STAP2: variants seen among roughly 807,000 people sequenced by gnomAD.
STAP2 encodes signal-transducing adaptor protein 2.
STAP2 carries 58 observed loss-of-function variants against 52.7 expected under a neutral mutation model. The observed-to-expected ratio is 1.10, with a 90% CI of 0.89 to 1.37. The LOEUF (loss-of-function observed/expected upper bound fraction) is 1.37. STAP2 is among the 40% of genes most tolerant of loss of function. STAP2 has a pLI of 0.00. For missense variants in STAP2, 522 were observed against 519.4 expected (o/e 1.00, Z -0.05); for synonymous variants, 231 against 210.5 (o/e 1.10, Z -0.84).
At chr19:4,331,290 C>T (rs1219646048) in intron 4 of STAP2, among the ~76,000 whole-genome samples, 14 of 144,018 alleles carry the variant, frequency 9.7e-5, no homozygotes, top group South Asian at 2.2e-4. Flanking sequence ...GATCACACCA[C>T]TGCACTCCAG....
At chr19:4,333,545 G>T in intron 3 of STAP2, 149 bp downstream of exon 3, 1 of 964,918 alleles carries the variant, frequency 1.0e-6, no homozygotes, top group Non-Finnish European at 1.4e-6. Context: ...ATAGCACCCA[G>T]CTCCTTTGGG....
rs577111563 is a variant in STAP2, at chr19:4,336,406, C to T, written c.102+2246G>A. ...CCATCTCAGCTCACTGCAACCCCCC[C>T]GCCCCAGTTCAAGCAATTCTCCTGC... is the stretch of plus-strand genomic sequence containing the variant. On this transcript the variant is annotated intron_variant, in intron 1 of 12. Transcript: ENST00000594605. Among the ~76,000 whole-genome samples, 11 of 150,820 alleles carry T rather than the reference C, an allele frequency of 7.3e-5. No individual in the cohort carries two copies. In the East Asian group the frequency reaches 1.2e-3, roughly 16 times the overall value.
intron 6 of STAP2, among the ~76,000 whole-genome samples, chr19:4,327,800 C>T (rs1330403905): frequency 2.0e-5 from 3 of 152,016 alleles, no homozygotes; most frequent in Admixed American, 2.0e-4. Flanking sequence ...AATGGCTCCA[C>T]CCCCAGGCAC....
intron 6 of STAP2, among the ~76,000 whole-genome samples, chr19:4,327,608 G>C (rs1971816376): frequency 6.6e-6 from 1 of 151,898 alleles, no homozygotes; most frequent in African/African-American, 2.4e-5. Context: ...TGCTCCCAGC[G>C]GGGACCAGGC....
At chr19:4,331,838 A>T (rs1262886496) in intron 4 of STAP2, among the ~76,000 whole-genome samples, 184 bp downstream of exon 4, 1 of 152,054 alleles carries the variant, frequency 6.6e-6, no homozygotes, top group Non-Finnish European at 1.5e-5. Flanking sequence ...AGGCTGAGGC[A>T]CGAGAATGGC....
At chr19:4,329,196 C>T (rs1037078002) in intron 5 of STAP2, among the ~76,000 whole-genome samples, 45 of 152,086 alleles carry the variant, frequency 3.0e-4, no homozygotes, top group Admixed American at 2.6e-3. Flanking sequence ...AACTCCCTAC[C>T]TCAGGTGATC....
chr19:4,334,844 TCCATCCACTCATCTATCAATGCATCCCTC>T (rs1432212332), intron 1 of STAP2, among the ~76,000 whole-genome samples: 18 of 34,568 alleles, frequency 5.2e-4, no homozygotes, highest in African/African-American at 1.9e-3. Context: ...CACTCATCCA[TCCATCCACTCATCTATCAATGCATCCCTC>T]CATCCATCCA....
intron 3 of STAP2, 117 bp downstream of exon 3, chr19:4,333,577 A>T: frequency 7.2e-7 from 1 of 1,384,692 alleles, no homozygotes. Context: ...AGTCTTACCC[A>T]GGGCCCACAG....
At position 4,333,353 on chromosome 19, in the gene STAP2, A is replaced by G. The variant is rs149254313; in HGVS notation, c.297+341T>C. On this transcript the variant is annotated intron_variant, in intron 3 of 12. Transcript: ENST00000594605. ...CTACTAAAGATTCAAAAAATTAGCC[A>G]GGAGTGGTTGCGTGCGCCTGTAATC... Among the ~76,000 whole-genome samples the G allele has an allele frequency of 3.8e-3, 558 of 147,394 alleles. 4 individuals carry two copies. The highest frequency in any genetic ancestry group is 0.013 in the African/African-American group (526 of 39,752).
At chr19:4,334,920 TCCATAATC>T (rs1971955845) in intron 1 of STAP2, among the ~76,000 whole-genome samples, 1 of 37,328 alleles carries the variant, frequency 2.7e-5, no homozygotes, top group Non-Finnish European at 5.1e-5. Flanking sequence ...CATCCATCCC[TCCATAATC>T]CATCCATCCA....
At chr19:4,332,196 CTTTTTTTTTTTTTTTT>C (rs58828365) in intron 3 of STAP2, 118 bp from the exon 4 acceptor site, 6 of 238,286 alleles carry the variant, frequency 2.5e-5, no homozygotes, top group Non-Finnish European at 4.0e-5. Context: ...TCTTTTTCTT[CTTTTTTTTTTTTTTTT>C]TTTTTTTTTT....
chr19:4,326,269 G>A (rs1202092415), intron 9 of STAP2, among the ~76,000 whole-genome samples: 1 of 152,236 alleles, frequency 6.6e-6, no homozygotes. Flanking sequence ...TGGGGCACAC[G>A]TGTATTTATG....
intron 12 of STAP2, 80 bp from the exon 13 acceptor site, chr19:4,324,277 C>G (rs1057311031): frequency 6.7e-5 from 98 of 1,460,760 alleles, no homozygotes; most frequent in Non-Finnish European, 8.4e-5. Flanking sequence ...CACCCAGGAC[C>G]AGCTACAGAT....
Position 4,325,530 on chromosome 19 carries a change from G to A in STAP2, c.845C>T (p.Thr282Ile), listed in dbSNP as rs144306660. 5.5e-4 allele frequency: 875 copies of A among 1,597,188 alleles called. No individual in the cohort carries two copies. Among genetic ancestry groups the A allele is most frequent in the Non-Finnish European group, 7.1e-4 (835 of 1,172,480 alleles). Residue 282 changes from threonine (T) to isoleucine (I), a missense_variant, in exon 10 of 13, where the codon ACA becomes ATA. Thr to Ile is a moderately conservative substitution (Grantham distance 89). Coordinates refer to ENST00000594605, the MANE Select transcript of STAP2 (RefSeq NM_001013841.2). The stretch of plus-strand genomic sequence containing the variant: ...AGGTGACAGCGGCTTGGGGCCACCT[G>A]TGCAGGGTGCAGGACCTGATGGGGA... ...SAPGPGPAPC[T>I]GGPKPLSPAS...
rs374719144 is a variant in STAP2, at chr19:4,330,046, C to T, written c.370G>A (p.Asp124Asn). 55 of 1,613,442 alleles carry T rather than the reference C, an allele frequency of 3.4e-5. No individual in the cohort carries two copies. Among genetic ancestry groups the T allele is most frequent in the Admixed American group, 1.3e-4 (8 of 59,964 alleles). The change falls in exon 5 of 13, where the codon GAC (aspartate) becomes AAC (asparagine). Residue 124 changes from aspartate to asparagine, a missense_variant. Physicochemically the swap from Asp to Asn is conservative, Grantham distance 23 (BLOSUM62 1). Transcript: ENST00000594605. ...AGGTGCCCAGGAAGCAGGGTCAAGT[C>T]GGTCGGGACACGGAGCTGAGGGGCG... The part of the protein sequence containing the change: ...LTVVELRVPT[D>N]LTLLPGHLYM...
chr19:4,333,974 T>G lies in STAP2; in HGVS notation c.173A>C (p.Gln58Pro). 1 of 1,613,030 alleles carries G rather than the reference T, an allele frequency of 6.2e-7. No homozygotes were observed. The highest frequency in any genetic ancestry group is 8.5e-7 in the Non-Finnish European group (1 of 1,179,578). ...TGGAGCCTCCATTCCCATCCTTACCTGGAAGTCCCGATTGCTATTGTAGAA... is the reference window on the plus strand; with the variant it reads ...TGGAGCCTCCATTCCCATCCTTACCGGGAAGTCCCGATTGCTATTGTAGAA... ...IYFYNSNRDF[Q>P]HVEKLNLGAF... The change falls in exon 2 of 13, where the codon CAG becomes CCG. Residue 58 changes from glutamine to proline, a missense_variant and splice_region_variant. Transcript: ENST00000594605.
At chr19:4,326,527 C>T (rs970545438) in intron 9 of STAP2, among the ~76,000 whole-genome samples, 10 of 152,096 alleles carry the variant, frequency 6.6e-5, no homozygotes, top group South Asian at 2.1e-4. Context: ...CCCGGATTCT[C>T]GGTCCCTGTG....
Position 4,329,998 on chromosome 19 carries a change from C to G in STAP2, c.418G>C (p.Ala140Pro). 2 of 1,613,694 alleles carry G rather than the reference C, an allele frequency of 1.2e-6. No individual in the cohort carries two copies. The highest frequency in any genetic ancestry group is 2.2e-5 in the South Asian group (2 of 91,074). ...AGTGCACGGCGCGCCTCCTCTTTGGCCAAGACTTCAGACATCATGTATAGG... is the reference window on the plus strand; with the variant it reads ...AGTGCACGGCGCGCCTCCTCTTTGGGCAAGACTTCAGACATCATGTATAGG... ...GHLYMMSEVLAKEEARRALET... is the reference protein window; with the variant it reads ...GHLYMMSEVLPKEEARRALET... Residue 140 changes from alanine to proline, a missense_variant, in exon 5 of 13, where the codon GCC becomes CCC. Transcript: ENST00000594605.
intron 1 of STAP2, among the ~76,000 whole-genome samples, chr19:4,337,594 C>T (rs1972000336): frequency 6.6e-6 from 1 of 150,732 alleles, no homozygotes; most frequent in Non-Finnish European, 1.5e-5. Context: ...TGCCTGTAAT[C>T]CCAGCATTTA....
Sources: allele counts gnomAD v4.1 joint callset (sites outside exome capture counted in the v4.1 genomes callset), GRCh38; gene constraint gnomAD v4.1.1; transcripts MANE v1.5; gene names NCBI Gene and HGNC (gene_info 2026-07-23, HGNC 2026-07-21).